CPVL: variants seen among roughly 807,000 people sequenced by gnomAD.
The protein encoded by CPVL is probable serine carboxypeptidase CPVL.
Under a neutral mutation model 63.7 loss-of-function variants are expected in CPVL, and 51 were observed. The observed-to-expected ratio is 0.80, with a 90% CI of 0.64 to 1.01. The LOEUF is 1.01. Ranked by LOEUF, CPVL falls within the 50% of genes least tolerant of loss-of-function variation. CPVL has a pLI of 0.00. For missense variants in CPVL, 530 were observed against 573.1 expected (o/e 0.92, Z 0.77); for synonymous variants, 195 against 206.0 (o/e 0.95, Z 0.46).
chr7:29,037,569 A>AG, intron 11 of CPVL, among the ~76,000 whole-genome samples: 1 of 135,134 alleles, frequency 7.4e-6, no homozygotes, highest in Admixed American at 7.4e-5. Flanking sequence ...AAAAAAAAAA[A>AG]AAAGAAAAGA....
chr7:29,041,233 A>C (rs1216870960), intron 11 of CPVL, among the ~76,000 whole-genome samples: 1 of 146,876 alleles, frequency 6.8e-6, no homozygotes, highest in African/African-American at 2.5e-5. Flanking sequence ...CCGGGTTTAC[A>C]CCTGGCTAAT....
chr7:29,021,934 T>A (rs1319023001), intron 12 of CPVL, among the ~76,000 whole-genome samples: 1 of 152,112 alleles, frequency 6.6e-6, no homozygotes, highest in Non-Finnish European at 1.5e-5. Flanking sequence ...GCAGTGCAGA[T>A]GCGTCCCCAA....
intron 7 of CPVL, among the ~76,000 whole-genome samples, chr7:29,076,401 C>T (rs1784251642): frequency 6.6e-6 from 1 of 151,728 alleles, no homozygotes; most frequent in Admixed American, 6.6e-5. Context: ...ACCCTGGTCT[C>T]ATAAAAGCTC....
intron 2 of CPVL, among the ~76,000 whole-genome samples, chr7:29,118,200 T>A (rs142564620): frequency 1.3e-5 from 2 of 152,190 alleles, no homozygotes; most frequent in African/African-American, 4.8e-5. Context: ...ACTGCACACA[T>A]CCCGTTGGGC....
At chr7:29,120,762 A>G (rs1789279080) in intron 2 of CPVL, 131 bp downstream of exon 2, 6 of 806,076 alleles carry the variant, frequency 7.4e-6, no homozygotes, top group Non-Finnish European at 1.2e-5. Flanking sequence ...CGGAGGTTGC[A>G]GTGAGCTGAG....
intron 2 of CPVL, among the ~76,000 whole-genome samples, chr7:29,113,185 T>TA (rs1378818991): frequency 1.3e-5 from 2 of 151,892 alleles, no homozygotes; most frequent in African/African-American, 2.4e-5. Context: ...AGGAGCAGGA[T>TA]AAAGTAACCT....
Position 29,112,774 on chromosome 7 carries a change from C to T in CPVL, c.218G>A (p.Ser73Asn). 1.9e-6 allele frequency: 3 copies of T among 1,613,810 alleles called. No homozygotes were observed. The highest frequency in any genetic ancestry group is 1.1e-5 in the South Asian group (1 of 91,052). The part of the protein sequence containing the change: ...VGPFPGLNMK[S>N]YAGFLTVNKT... ...ATTCACGGTGAGGAAGCCGGCATAA[C>T]TCTTCATGTTCAGTCCTGGGAAAGG... The change falls in exon 3 of 13, where the codon AGT becomes AAT. Residue 73 changes from serine (S) to asparagine (N), a missense_variant. Ser to Asn is a conservative substitution (Grantham distance 46). Coordinates refer to ENST00000265394, the MANE Select transcript of CPVL (RefSeq NM_031311.5).
chr7:29,125,447 C>T (rs1789907920), intron 1 of CPVL, among the ~76,000 whole-genome samples: 1 of 138,918 alleles, frequency 7.2e-6, no homozygotes. Context: ...GACTGGAGTG[C>T]AGTGGTGCGA....
At chr7:29,192,245 T>C (rs1472475351) in intron 1 of CPVL, 1 of 152,318 alleles carries the variant, frequency 6.6e-6, no homozygotes, top group Non-Finnish European at 1.5e-5. Flanking sequence ...TTTCTACTTC[T>C]GTACAGCACA....
At chr7:29,056,405 CT>C (rs1445842053) in intron 11 of CPVL, among the ~76,000 whole-genome samples, 2 of 152,182 alleles carry the variant, frequency 1.3e-5, no homozygotes, top group African/African-American at 4.8e-5. Flanking sequence ...ATAGTTTTGC[CT>C]TTTAGAGAAT....
intron 2 of CPVL, among the ~76,000 whole-genome samples, chr7:29,119,305 G>T (rs1584315548): frequency 6.6e-6 from 1 of 152,268 alleles, no homozygotes; most frequent in African/African-American, 2.4e-5. Context: ...TGGCCAACAA[G>T]GCAAAATCCC....
intron 2 of CPVL, among the ~76,000 whole-genome samples, chr7:29,115,440 G>T (rs1417408949): frequency 1.3e-5 from 2 of 152,118 alleles, no homozygotes; most frequent in African/African-American, 4.8e-5. Context: ...GAGGTGTTTG[G>T]GGAAAGTGGT....
At chr7:29,004,153 T>C (rs891946212) in intron 12 of CPVL, among the ~76,000 whole-genome samples, 3 of 152,186 alleles carry the variant, frequency 2.0e-5, no homozygotes, top group Admixed American at 2.0e-4. Context: ...ATCAAGTTAA[T>C]AGTGGTAAAA....
At chr7:29,086,383 T>C in intron 7 of CPVL, 101 bp downstream of exon 7, 1 of 808,420 alleles carries the variant, frequency 1.2e-6, no homozygotes. Flanking sequence ...TATGTGTACA[T>C]GTATATACAT....
chr7:29,046,897 T>C (rs1368303619), intron 11 of CPVL, among the ~76,000 whole-genome samples: 1 of 152,172 alleles, frequency 6.6e-6, no homozygotes, highest in Non-Finnish European at 1.5e-5. Flanking sequence ...AATCAGTGTA[T>C]GAGAGTGCAT....
chr7:29,139,132 G>C (rs1791571573), intron 1 of CPVL, among the ~76,000 whole-genome samples: 1 of 152,190 alleles, frequency 6.6e-6, no homozygotes, highest in African/African-American at 2.4e-5. Context: ...ATGGCTGCGG[G>C]CTCCCTATAG....
upstream of CPVL, chr7:29,195,354 C>T (rs570981549): frequency 4.0e-6 from 1 of 251,656 alleles, no homozygotes; most frequent in Non-Finnish European, 7.5e-6. Flanking sequence ...CAGAGCGCCC[C>T]GACCTGTTTG....
intron 11 of CPVL, among the ~76,000 whole-genome samples, chr7:29,043,427 T>C (rs1789319443): frequency 6.6e-6 from 1 of 152,176 alleles, no homozygotes; most frequent in Admixed American, 6.5e-5. Flanking sequence ...CTCTCCCCTG[T>C]TGGGAGACTA....
chr7:29,177,824 A>G (rs1691807236), intron 5 of CPVL, among the ~76,000 whole-genome samples: 1 of 151,764 alleles, frequency 6.6e-6, no homozygotes, highest in South Asian at 2.1e-4. Flanking sequence ...TTATAACCAA[A>G]ATCTTTTTTT....
Sources: allele counts gnomAD v4.1 joint callset (sites outside exome capture counted in the v4.1 genomes callset), GRCh38; gene constraint gnomAD v4.1.1; transcripts MANE v1.5; gene names NCBI Gene and HGNC (gene_info 2026-07-23, HGNC 2026-07-21).